The following COL5A1 variants were observed in gnomAD, a reference collection of about 807,000 sequenced individuals.
COL5A1 encodes collagen alpha-1(V) chain.
Under a neutral mutation model 263.7 loss-of-function variants are expected in COL5A1, and 16 were observed. That is an observed-to-expected ratio of 0.06 (90% CI 0.04 to 0.09). The LOEUF is 0.09. COL5A1 is among the 10% of genes least tolerant of loss of function. COL5A1 has a pLI of 1.00. For missense variants in COL5A1, 2,036 were observed against 2,540.5 expected, an observed-to-expected ratio of 0.80 and a Z score of 4.27; for synonymous variants, 1,012 against 1,004.5, an observed-to-expected ratio of 1.01 and a Z score of -0.14.
chr9:134,701,806 G>T (rs3124291), intron 4 of COL5A1, among the ~76,000 whole-genome samples: 1 of 151,996 alleles, frequency 6.6e-6, no homozygotes, highest in Non-Finnish European at 1.5e-5. Flanking sequence ...CCTCACTCCA[G>T]TCTAGCTGTG....
rs534185987 is a variant in COL5A1, at chr9:134,670,627, TC to T, written c.110-20283del. 8.5e-5 allele frequency among the ~76,000 whole-genome samples: 13 copies of T among 152,332 alleles called. 1 individual carries two copies. In the South Asian group the frequency reaches 2.5e-3, roughly 29 times the overall value. On this transcript the variant is annotated intron_variant, in intron 1 of 65. Transcript: ENST00000371817. ...GTTGTCTGGAGGATGGAGCAGCACT[TC>T]CTGCTCCACAGGCTGTCCCGAGAAG...
chr9:134,830,036 G>C lies in COL5A1; in HGVS notation c.5128G>C (p.Gly1710Arg), dbSNP rs1339470102. ...CTCCTGGTTCAGTGAATTCAAGCGT[G>C]GGAAACTGGTAAGGTGGCCTCTGGC... ...PGSWFSEFKR[G>R]KLLSYVDAEG... Residue 1710 changes from glycine (G) to arginine (R), a missense_variant, in exon 64 of 66, where the codon GGG becomes CGG. Gly to Arg is a moderately radical substitution (Grantham distance 125, BLOSUM62 -2). Transcript: ENST00000371817. The C allele has an allele frequency of 5.6e-6, 9 of 1,613,906 alleles. No individual in the cohort carries two copies. Among genetic ancestry groups the C allele is most frequent in the Middle Eastern group, 3.3e-4 (2 of 6,070 alleles).
chr9:134,815,928 T>C lies in COL5A1; in HGVS notation c.4069-7T>C, dbSNP rs750281828. The C allele has an allele frequency of 1.2e-6, 2 of 1,613,894 alleles. No homozygotes were observed. The highest frequency in any genetic ancestry group is 1.7e-5 in the Admixed American group (1 of 59,992). On this transcript the variant is annotated splice_region_variant and splice_polypyrimidine_tract_variant and intron_variant, in intron 51 of 65. Coordinates refer to ENST00000371817, the MANE Select transcript of COL5A1 (RefSeq NM_000093.5). ...GTTCAGCAAGGAGCTCGCTTTTGCCTCCATAGGGTCAAGATGGTCCCCCTG... is the reference window on the plus strand; with the variant it reads ...GTTCAGCAAGGAGCTCGCTTTTGCCCCCATAGGGTCAAGATGGTCCCCCTG...
chr9:134,667,544 T>C (rs1157037268), intron 1 of COL5A1, among the ~76,000 whole-genome samples: 2 of 152,150 alleles, frequency 1.3e-5, no homozygotes, highest in East Asian at 3.9e-4. Flanking sequence ...AACTGCACCA[T>C]CTCCATGCAC....
chr9:134,831,936 G>A lies in COL5A1; in HGVS notation c.5136+1892G>A, dbSNP rs76306161. 3.0e-3 allele frequency among the ~76,000 whole-genome samples: 460 copies of A among 152,232 alleles called. 1 individual carries two copies. The highest frequency in any genetic ancestry group is 5.1e-3 in the Non-Finnish European group (349 of 68,012). On this transcript the variant is annotated intron_variant, in intron 64 of 65. Transcript: ENST00000371817. ...ATTTCTAGCTCTGTGAATATCATAC[G>A]TGGACAAGAGGTAGATGGGGGCCTC... is the stretch of plus-strand genomic sequence containing the variant.
At chr9:134,814,168 C>G (rs1838650200) in intron 49 of COL5A1, 132 bp downstream of exon 49, 2 of 888,910 alleles carry the variant, frequency 2.2e-6, no homozygotes, top group Non-Finnish European at 3.5e-6. Context: ...CCTCTTGTGC[C>G]CATTTCATGG....
At chr9:134,816,348 A>G (rs1055642807) in intron 52 of COL5A1, among the ~76,000 whole-genome samples, 4 of 151,106 alleles carry the variant, frequency 2.6e-5, no homozygotes, top group African/African-American at 7.3e-5. Flanking sequence ...TTCCTGCCTT[A>G]CCTTGACCGA....
chr9:134,810,135 T>C, intron 43 of COL5A1, 120 bp from the exon 44 acceptor site: 1 of 1,105,178 alleles, frequency 9.0e-7, no homozygotes, highest in Non-Finnish European at 1.4e-6. Context: ...CGTAGGAAAG[T>C]TTTAGGGCCA....
chr9:134,748,352 C>T (rs1835648769), intron 11 of COL5A1, among the ~76,000 whole-genome samples: 1 of 152,122 alleles, frequency 6.6e-6, no homozygotes, highest in East Asian at 1.9e-4. Flanking sequence ...CACATTCACA[C>T]ACATGCACAT....
intron 1 of COL5A1, among the ~76,000 whole-genome samples, chr9:134,675,639 G>C (rs188737232): frequency 1.3e-5 from 2 of 152,318 alleles, no homozygotes; most frequent in East Asian, 1.9e-4. Context: ...GTTTGTTGGG[G>C]ACCCTTTGTG....
chr9:134,825,075 G>A (rs1839209122), intron 62 of COL5A1, among the ~76,000 whole-genome samples: 1 of 152,238 alleles, frequency 6.6e-6, no homozygotes, highest in Non-Finnish European at 1.5e-5. Context: ...AGGCTTTGAG[G>A]TCAGACTCTC....
chr9:134,685,021 T>TCCA (rs2132537440), intron 1 of COL5A1, among the ~76,000 whole-genome samples: 1 of 146,204 alleles, frequency 6.8e-6, no homozygotes, highest in African/African-American at 2.5e-5. Context: ...GATCCATCCA[T>TCCA]CCATCCATCC....
chr9:134,775,586 C>T (rs3124929), intron 27 of COL5A1, among the ~76,000 whole-genome samples: 32,306 of 152,148 alleles, frequency 0.21, 3,719 homozygotes, highest in East Asian at 0.46. Flanking sequence ...AATGCAATCT[C>T]GAGTTGTGCT....
Position 134,642,317 on chromosome 9 carries a change from G to A in COL5A1, c.109+21G>A, listed in dbSNP as rs1831319529. The A allele has an allele frequency of 1.3e-6, 1 of 793,262 alleles. No individual in the cohort carries two copies. Among genetic ancestry groups the A allele is most frequent in the East Asian group, 4.7e-5 (1 of 21,058 alleles). The allele number at this position is 793,262 out of a possible 1,614,324, so 49.1% of individuals were successfully genotyped here. The stretch of plus-strand genomic sequence containing the variant: ...CGCAGGTAAGGGCGCCCCGGGGCGC[G>A]GGGCTGCGGGATGGGGCGCGCGCAG... On this transcript the variant is annotated intron_variant, in intron 1 of 65. Transcript: ENST00000371817. This position sits in a 1 kb window ranked among gnomAD's most constrained non-coding sequence, Gnocchi z 4.5.
At position 134,750,608 on chromosome 9, in the gene COL5A1, A is replaced by C; in HGVS notation, c.1561A>C (p.Met521Leu). Residue 521 changes from methionine to leucine, a missense_variant, in exon 12 of 66, where the codon ATG becomes CTG. This residue lies in a region of COL5A1 where 1,078 missense variants were observed against 1,521.4 expected (regional missense o/e 0.71). Transcript: ENST00000371817. The part of the protein sequence containing the change: ...GLPGPPGTML[M>L]LPFRFGGGGD... ...GCCCGGTCCTCCAGGAACCATGCTC[A>C]TGCTGCCCGTGAGTACCCTTATCAG... The C allele has an allele frequency of 6.2e-7, 1 of 1,613,406 alleles. No individual in the cohort carries two copies. The highest frequency in any genetic ancestry group is 1.1e-5 in the South Asian group (1 of 91,080).
intron 11 of COL5A1, among the ~76,000 whole-genome samples, chr9:134,748,341 A>G (rs181060331): frequency 6.6e-6 from 1 of 152,130 alleles, no homozygotes; most frequent in South Asian, 2.1e-4. Context: ...ACATGCATTC[A>G]CACATTCACA....
intron 19 of COL5A1, 83 bp from the exon 20 acceptor site, chr9:134,763,610 G>A: frequency 7.1e-7 from 1 of 1,408,192 alleles, no homozygotes. Context: ...CCAAGCCAGA[G>A]AACCCTTGTG....
At chr9:134,666,028 A>G (rs1027917910) in intron 1 of COL5A1, among the ~76,000 whole-genome samples, 1 of 152,174 alleles carries the variant, frequency 6.6e-6, no homozygotes, top group African/African-American at 2.4e-5. Context: ...CGGAGGTTGC[A>G]GTGAGCCGAG....
chr9:134,744,224 T>C (rs894034073), intron 11 of COL5A1, among the ~76,000 whole-genome samples: 2 of 152,138 alleles, frequency 1.3e-5, no homozygotes, highest in Non-Finnish European at 2.9e-5. Context: ...TTAGAAGTGT[T>C]CAGGACATCT....
Sources: gnomAD v4.1 joint callset for allele counts (sites outside exome capture counted in the v4.1 genomes callset) on GRCh38, gnomAD v4.1.1 for gene constraint, gnomAD v4.1.1 regional missense constraint, Gnocchi (gnomAD v3.1) non-coding constraint, MANE v1.5 for transcripts, NCBI Gene and HGNC (gene_info 2026-07-23, HGNC 2026-07-21) for gene names.